The following CDH18 variants were observed in gnomAD, a reference collection of about 807,000 sequenced individuals.
CDH18 encodes the protein cadherin 18.
Under a neutral mutation model 67.9 loss-of-function variants are expected in CDH18, and 31 were observed. The observed-to-expected ratio is 0.46, with a 90% CI of 0.34 to 0.62. The LOEUF (loss-of-function observed/expected upper bound fraction) is 0.62, where lower values mean the gene tolerates loss of function less well. Among genes scored for constraint, CDH18 ranks in the 20% least tolerant of loss-of-function variants. The probability of loss-of-function intolerance (pLI) is 0.01; values close to 1 mark genes in which losing one functional copy is unlikely to be tolerated. For synonymous variants in CDH18, 362 were observed against 347.2 expected (o/e 1.04, Z -0.48); for missense variants, 890 against 975.5 (o/e 0.91, Z 1.17).
At chr5:20,183,958 T>A (rs1256295145) in intron 2 of CDH18, among the ~76,000 whole-genome samples, 1 of 152,096 alleles carries the variant, frequency 6.6e-6, no homozygotes, top group Non-Finnish European at 1.5e-5. Context: ...AATGAAAGAA[T>A]GACTTACACG....
chr5:19,505,923 A>C (rs1483168838), intron 10 of CDH18, among the ~76,000 whole-genome samples: 2 of 152,120 alleles, frequency 1.3e-5, no homozygotes, highest in Non-Finnish European at 2.9e-5. Flanking sequence ...CTCTGGTAGA[A>C]TTTGGCTGTG....
intron 2 of CDH18, among the ~76,000 whole-genome samples, chr5:20,199,871 G>A (rs1466045180): frequency 6.6e-6 from 1 of 152,100 alleles, no homozygotes; most frequent in Non-Finnish European, 1.5e-5. Flanking sequence ...CATTTCCCCT[G>A]CTGGCATTCA....
At chr5:20,455,077 G>A (rs200569674) in intron 1 of CDH18, among the ~76,000 whole-genome samples, 13 of 148,172 alleles carry the variant, frequency 8.8e-5, no homozygotes, top group Non-Finnish European at 7.5e-5. Context: ...ACTGTGAGCA[G>A]AAAAAAAAAA....
intron 1 of CDH18, among the ~76,000 whole-genome samples, chr5:20,498,913 A>C (rs906546342): frequency 6.6e-6 from 1 of 152,180 alleles, no homozygotes; most frequent in Non-Finnish European, 1.5e-5. Flanking sequence ...TAACAGAATG[A>C]GTGAATATTT....
chr5:19,981,338 TAAC>T (rs1010085188), intron 1 of CDH18, among the ~76,000 whole-genome samples, 160 bp from the exon 2 acceptor site: 14 of 152,360 alleles, frequency 9.2e-5, no homozygotes, highest in African/African-American at 3.4e-4. Context: ...TATTATTTCT[TAAC>T]ATTATCACCT....
At chr5:19,856,118 T>C (rs1425543359) in intron 2 of CDH18, among the ~76,000 whole-genome samples, 2 of 152,208 alleles carry the variant, frequency 1.3e-5, no homozygotes, top group East Asian at 3.9e-4. Flanking sequence ...AAAAAGTAAC[T>C]TGAGTCAGCG....
At chr5:20,203,326 C>G (rs1739597242) in intron 2 of CDH18, among the ~76,000 whole-genome samples, 1 of 152,120 alleles carries the variant, frequency 6.6e-6, no homozygotes, top group African/African-American at 2.4e-5. Flanking sequence ...CTATGGAAAC[C>G]CTGCCCTGTA....
chr5:20,020,387 G>A (rs1311349956), intron 2 of CDH18, among the ~76,000 whole-genome samples: 1 of 152,086 alleles, frequency 6.6e-6, no homozygotes, highest in Non-Finnish European at 1.5e-5. Context: ...AAGACAATGG[G>A]GAAAATGCCT....
chr5:20,005,390 T>C lies in CDH18; in HGVS notation c.-517-13376A>G, dbSNP rs369208663. On this transcript the variant is annotated intron_variant, in intron 2 of 14. Transcript: ENST00000507958. ...TTCAGGAATTTAGTCCACATTTATATATAAACAAAGTATATATATATATGT... is the reference window on the plus strand; with the variant it reads ...TTCAGGAATTTAGTCCACATTTATACATAAACAAAGTATATATATATATGT... 6.4e-4 allele frequency among the ~76,000 whole-genome samples: 90 copies of C among 140,738 alleles called. No individual in the cohort carries two copies. In the South Asian group the frequency reaches 0.018, roughly 28 times the overall value. The allele number at this position is 140,738 out of a possible 152,430, so 92.3% of individuals were successfully genotyped here.
intron 8 of CDH18, among the ~76,000 whole-genome samples, chr5:19,548,939 G>A (rs889954721): frequency 5.9e-5 from 9 of 151,914 alleles, no homozygotes; most frequent in East Asian, 1.9e-4. Context: ...TGGTAGAGAC[G>A]GGGTTTCACC....
intron 1 of CDH18, among the ~76,000 whole-genome samples, chr5:20,437,165 T>A (rs13188338): frequency 0.21 from 32,281 of 150,948 alleles, 3,791 homozygotes; most frequent in East Asian, 0.31. Context: ...AATGATACAA[T>A]GTTAAATATT....
chr5:19,489,453 T>C (rs188253288), intron 11 of CDH18, among the ~76,000 whole-genome samples: 57 of 152,106 alleles, frequency 3.7e-4, no homozygotes, highest in Admixed American at 1.0e-3. Context: ...TTCACCATGT[T>C]GGCCAGGCTG....
intron 1 of CDH18, among the ~76,000 whole-genome samples, chr5:20,422,443 G>A (rs1239701935): frequency 6.6e-6 from 1 of 150,704 alleles, no homozygotes; most frequent in Admixed American, 6.6e-5. Flanking sequence ...TTTATAGCCA[G>A]GTGTAGTTCT....
intron 1 of CDH18, among the ~76,000 whole-genome samples, chr5:20,403,524 G>A (rs536943944): frequency 6.6e-6 from 1 of 152,292 alleles, no homozygotes; most frequent in Non-Finnish European, 1.5e-5. Context: ...TAATCTACTT[G>A]TACATTTCAG....
intron 2 of CDH18, among the ~76,000 whole-genome samples, chr5:20,249,882 G>T (rs1045860417): frequency 2.0e-5 from 3 of 151,920 alleles, no homozygotes; most frequent in Non-Finnish European, 4.4e-5. Context: ...CTTCAGAAAC[G>T]AAAGCCCACA....
chr5:19,799,608 T>A (rs897397573), intron 3 of CDH18, among the ~76,000 whole-genome samples: 4 of 152,142 alleles, frequency 2.6e-5, no homozygotes, highest in African/African-American at 9.7e-5. Context: ...GTAATTTTTT[T>A]ATATCTATTA....
chr5:19,513,873 T>C (rs1745507898), intron 10 of CDH18, among the ~76,000 whole-genome samples: 1 of 152,152 alleles, frequency 6.6e-6, no homozygotes, highest in African/African-American at 2.4e-5. Flanking sequence ...ATACTTTAAG[T>C]TCTAGGGTAC....
At chr5:20,387,492 A>G (rs990297915) in intron 1 of CDH18, among the ~76,000 whole-genome samples, 1 of 152,166 alleles carries the variant, frequency 6.6e-6, no homozygotes, top group Non-Finnish European at 1.5e-5. Context: ...TTTTCTAGAT[A>G]TACAATCATG....
At chr5:20,376,393 C>T (rs1264138316) in intron 1 of CDH18, among the ~76,000 whole-genome samples, 2 of 151,428 alleles carry the variant, frequency 1.3e-5, no homozygotes, top group Admixed American at 6.6e-5. Context: ...CGGCCAAAAA[C>T]GCAATAGGTT....
Sources: allele counts gnomAD v4.1 joint callset (sites outside exome capture counted in the v4.1 genomes callset), GRCh38; gene constraint gnomAD v4.1.1; transcripts MANE v1.5; gene names NCBI Gene and HGNC (gene_info 2026-07-23, HGNC 2026-07-21).